Variants in VWCE observed in about 807,000 individuals in gnomAD.
The protein encoded by VWCE is von Willebrand factor C and EGF domains.
VWCE carries 68 observed loss-of-function variants against 102.9 expected under a neutral mutation model. The ratio of observed to expected loss-of-function variants is 0.66; its 90% CI spans 0.54 to 0.81. VWCE has a LOEUF of 0.81. Ranked by LOEUF, VWCE falls within the 30% of genes least tolerant of loss-of-function variation. The pLI, the probability that VWCE is intolerant of heterozygous loss-of-function variation, is 0.00. For synonymous variants in VWCE, 497 were observed against 515.4 expected (o/e 0.96, Z 0.48); for missense variants, 1,137 against 1,263.6 (o/e 0.90, Z 1.52).
chr11:61,270,824 A>AC (rs1241941519), intron 14 of VWCE, among the ~76,000 whole-genome samples: 2 of 138,540 alleles, frequency 1.4e-5, no homozygotes, highest in South Asian at 2.2e-4. Flanking sequence ...TGTTACACAC[A>AC]CTTTTTTTTT....
Position 61,276,608 on chromosome 11 carries a change from A to G in VWCE, c.1480T>C (p.Cys494Arg). Reference sequence around the variant, plus strand: ...TGTCACTTACCTGGAACACAAGTACAGCAATCCGTCTGTGGGGGGGTCTGA... The same window carrying G: ...TGTCACTTACCTGGAACACAAGTACGGCAATCCGTCTGTGGGGGGGTCTGA... Reference protein sequence around the residue: ...PCQTPPQTDCCTCVPVRCYFH... With the variant: ...PCQTPPQTDCRTCVPVRCYFH... Residue 494 changes from cysteine (C) to arginine (R), a missense_variant, in exon 11 of 20, where the codon TGT becomes CGT. Coordinates refer to ENST00000335613, the MANE Select transcript of VWCE (RefSeq NM_152718.2). The G allele has an allele frequency of 6.3e-7, 1 of 1,599,234 alleles. No homozygotes were observed. The highest frequency in any genetic ancestry group is 8.5e-7 in the Non-Finnish European group (1 of 1,173,748).
At chr11:61,266,705 G>A (rs767235129) in intron 16 of VWCE, among the ~76,000 whole-genome samples, 1 of 152,212 alleles carries the variant, frequency 6.6e-6, no homozygotes. Flanking sequence ...AACTAGTTAC[G>A]GGATCTGAGC....
intron 4 of VWCE, among the ~76,000 whole-genome samples, chr11:61,289,290 C>T (rs1565231130): frequency 6.6e-6 from 1 of 151,446 alleles, no homozygotes; most frequent in Non-Finnish European, 1.5e-5. Flanking sequence ...CTTGCTCTGT[C>T]GCTAGGCTGG....
At chr11:61,277,112 G>C (rs1854950133) in intron 10 of VWCE, among the ~76,000 whole-genome samples, 1 of 134,538 alleles carries the variant, frequency 7.4e-6, no homozygotes, top group Admixed American at 8.0e-5. Flanking sequence ...AGAAGTGAGA[G>C]AGAAAGAAAG....
chr11:61,278,597 C>T, intron 9 of VWCE, 121 bp from the exon 10 acceptor site: 2 of 894,738 alleles, frequency 2.2e-6, no homozygotes, highest in Non-Finnish European at 3.5e-6. Context: ...CTAGGTGTCC[C>T]AGGAGTGGTA....
intron 10 of VWCE, 150 bp downstream of exon 10, chr11:61,278,244 T>C: frequency 1.2e-6 from 1 of 827,450 alleles, no homozygotes; most frequent in Non-Finnish European, 1.9e-6. Flanking sequence ...CCCTTTTAAA[T>C]TCTACAGCTT....
chr11:61,269,917 ATTTT>A (rs5792221), intron 14 of VWCE, among the ~76,000 whole-genome samples: 5 of 128,520 alleles, frequency 3.9e-5, no homozygotes, highest in African/African-American at 8.6e-5. Flanking sequence ...AGCTTACAGC[ATTTT>A]TTTTTTTTTT....
chr11:61,278,275 G>T, intron 10 of VWCE, 119 bp downstream of exon 10: 1 of 1,109,824 alleles, frequency 9.0e-7, no homozygotes, highest in Non-Finnish European at 1.3e-6. Flanking sequence ...TCCACAACCT[G>T]AGAATGTTCC....
At chr11:61,261,420 C>G (rs186669303) in intron 19 of VWCE, among the ~76,000 whole-genome samples, 1 of 149,390 alleles carries the variant, frequency 6.7e-6, no homozygotes, top group African/African-American at 2.6e-5. Flanking sequence ...TGAACTTTAT[C>G]TTTAGAAAGC....
Position 61,294,647 on chromosome 11 carries a change from G to T in VWCE, c.110+281C>A, listed in dbSNP as rs533317996. 2.6e-5 allele frequency among the ~76,000 whole-genome samples: 4 copies of T among 152,120 alleles called. No individual in the cohort carries two copies. The highest frequency in any genetic ancestry group is 5.9e-5 in the Non-Finnish European group (4 of 68,004). ...CCTGGGCTCCCCTCTCCAGAGGTCC[G>T]CGCTCCAGGGCACATTAGGAGTCAC... On this transcript the variant is annotated intron_variant, in intron 1 of 19. Transcript: ENST00000335613. The surrounding 1 kb of genome is among the most constrained non-coding windows in gnomAD (Gnocchi z 6.3).
intron 4 of VWCE, among the ~76,000 whole-genome samples, chr11:61,290,307 T>C (rs1258902984): frequency 6.6e-6 from 1 of 151,878 alleles, no homozygotes; most frequent in African/African-American, 2.4e-5. Flanking sequence ...AGGTCAGGAG[T>C]TCGAGACCAC....
intron 5 of VWCE, among the ~76,000 whole-genome samples, chr11:61,285,395 A>G (rs1448923107): frequency 6.6e-6 from 1 of 152,204 alleles, no homozygotes; most frequent in Admixed American, 6.5e-5. Context: ...AATAATTGTA[A>G]GATCTCTCAT....
At chr11:61,276,409 CA>C (rs562474115) in intron 11 of VWCE, among the ~76,000 whole-genome samples, 183 bp downstream of exon 11, 278 of 136,572 alleles carry the variant, frequency 2.0e-3, no homozygotes, top group Non-Finnish European at 2.0e-3. Context: ...GTCTCCCTCT[CA>C]AAAAAAAAAA....
At chr11:61,261,053 C>A (rs1267327622) in intron 19 of VWCE, among the ~76,000 whole-genome samples, 1 of 151,958 alleles carries the variant, frequency 6.6e-6, no homozygotes, top group Non-Finnish European at 1.5e-5. Context: ...GGTGAAACTC[C>A]ATCTCTACTA....
At position 61,278,427 on chromosome 11, in the gene VWCE, A is replaced by C. The variant is rs1222358224; in HGVS notation, c.1374T>G (p.Pro458=). The change falls in exon 10 of 20, where the codon CCT becomes CCG. Residue 458 remains proline (P), a synonymous_variant. Coordinates refer to ENST00000335613, the MANE Select transcript of VWCE (RefSeq NM_152718.2). ...VVRAEGDVFS[P]PNENCTVCVC... The stretch of plus-strand genomic sequence containing the variant: ...CACAGACGGTGCAGTTCTCATTGGG[A>C]GGTGAAAACACATCCCCTTCAGCTC... 1 of 1,614,170 alleles carries C rather than the reference A, an allele frequency of 6.2e-7. No homozygotes were observed.
chr11:61,276,691 G>A lies in VWCE; in HGVS notation c.1408-11C>T. On this transcript the variant is annotated splice_polypyrimidine_tract_variant and intron_variant, in intron 10 of 19. Transcript: ENST00000335613. The stretch of plus-strand genomic sequence containing the variant: ...GGACACGTTTCCAGCCTGAGGAGGA[G>A]GCAAGAGAGGGCACTGGGGGTGCGG... 6.3e-7 allele frequency: 1 copy of A among 1,588,844 alleles called. No individual in the cohort carries two copies. Among genetic ancestry groups the A allele is most frequent in the Non-Finnish European group, 8.6e-7 (1 of 1,168,054 alleles).
intron 7 of VWCE, 44 bp from the exon 8 acceptor site, chr11:61,281,279 C>A: frequency 6.2e-7 from 1 of 1,608,550 alleles, no homozygotes; most frequent in East Asian, 2.2e-5. Flanking sequence ...ACAGCAGAGA[C>A]AGGAGGCAGG....
chr11:61,278,330 T>G (rs918704144), intron 10 of VWCE, 64 bp downstream of exon 10: 1 of 1,560,304 alleles, frequency 6.4e-7, no homozygotes, highest in African/African-American at 1.4e-5. Flanking sequence ...CTTTTCCCCT[T>G]CCTCTAAAAC....
At chr11:61,266,806 C>T (rs554565303) in intron 16 of VWCE, among the ~76,000 whole-genome samples, 2 of 152,260 alleles carry the variant, frequency 1.3e-5, no homozygotes, top group East Asian at 1.9e-4. Context: ...CTATGAAGGG[C>T]GTGGCACACT....
Sources: allele counts gnomAD v4.1 joint callset (sites outside exome capture counted in the v4.1 genomes callset), GRCh38; gene constraint gnomAD v4.1.1; non-coding constraint Gnocchi (gnomAD v3.1); transcripts MANE v1.5; gene names NCBI Gene and HGNC (gene_info 2026-07-23, HGNC 2026-07-21).